TSG101: variants seen among roughly 807,000 people sequenced by gnomAD.
TSG101 encodes tumor susceptibility gene 101 protein.
A neutral mutation model predicts 48.5 loss-of-function variants in TSG101; 19 were observed. That is an observed-to-expected ratio of 0.39 (90% CI 0.27 to 0.58). The LOEUF is 0.58. Ranked by LOEUF, TSG101 falls within the 20% of genes least tolerant of loss-of-function variation. TSG101 has a pLI of 0.55. For synonymous variants in TSG101, 174 were observed against 169.4 expected, an observed-to-expected ratio of 1.03 and a Z score of -0.21; for missense variants, 365 against 484.4, an observed-to-expected ratio of 0.75 and a Z score of 2.31.
chr11:18,524,339 AAC>A (rs1300642643), intron 1 of TSG101, among the ~76,000 whole-genome samples: 3 of 152,322 alleles, frequency 2.0e-5, no homozygotes, highest in Admixed American at 2.0e-4. Flanking sequence ...TTTTATAATA[AAC>A]ACATAAAACA....
At chr11:18,506,070 C>T (rs1168908499) in intron 6 of TSG101, among the ~76,000 whole-genome samples, 1 of 152,124 alleles carries the variant, frequency 6.6e-6, no homozygotes, top group Non-Finnish European at 1.5e-5. Context: ...GGTGATCCGC[C>T]TGCATCGGCC....
chr11:18,481,280 A>G, intron 9 of TSG101: 6 of 985,148 alleles, frequency 6.1e-6, no homozygotes, highest in Non-Finnish European at 7.2e-6. Flanking sequence ...TAAAAAATGG[A>G]GGTGGCACAA....
chr11:18,507,789 G>A (rs16935488), intron 5 of TSG101: 29,982 of 151,818 alleles, frequency 0.2, 3,096 homozygotes, highest in East Asian at 0.25. Context: ...AAAACTCAAA[G>A]AAATTTAGGA....
chr11:18,481,421 C>T (rs1031557520), intron 9 of TSG101: 2 of 1,350,474 alleles, frequency 1.5e-6, no homozygotes, highest in Non-Finnish European at 1.9e-6. Flanking sequence ...CTGCAGCCAC[C>T]AGCCCACTTC....
At chr11:18,506,809 A>C in intron 6 of TSG101, 48 bp downstream of exon 6, 1 of 1,429,216 alleles carries the variant, frequency 7.0e-7, no homozygotes, top group South Asian at 1.5e-5. Context: ...TTCTAGATCT[A>C]ATAGAAGAAT....
rs906578263 is a variant in TSG101 at position 18,480,380 on chromosome 11, T to C, written c.*166A>G. 7.7e-6 allele frequency: 4 copies of C among 516,770 alleles called. No individual in the cohort carries two copies. Among genetic ancestry groups the C allele is most frequent in the Non-Finnish European group, 1.3e-5 (4 of 299,300 alleles). The allele number at this position is 516,770 out of a possible 1,614,324, so 32.0% of individuals were successfully genotyped here. A position where few individuals can be genotyped will look rare whatever the true frequency, so the allele number is the denominator to read the frequency against. ...AAGTTTACAGAGGATAGAAAGTGCA[T>C]TAATAAAAGCCAGTCTTTACCAAAA... is the stretch of plus-strand genomic sequence containing the variant. On this transcript the variant is annotated 3_prime_UTR_variant, in exon 10 of 10. Transcript: ENST00000251968.
At chr11:18,496,320 T>C (rs1248376745) in intron 7 of TSG101, among the ~76,000 whole-genome samples, 2 of 151,372 alleles carry the variant, frequency 1.3e-5, no homozygotes, top group African/African-American at 2.4e-5. Flanking sequence ...CACATGCCTA[T>C]AGTCTCAGCT....
chr11:18,481,009 T>C lies in TSG101; in HGVS notation c.1084-374A>G, dbSNP rs151338708. On this transcript the variant is annotated intron_variant, in intron 9 of 9. Transcript: ENST00000251968. ...GCCATTCCCCCACAGTGAGAGGAGA[T>C]AGGCAAGATCAGCACATGACCTGAC... is the stretch of plus-strand genomic sequence containing the variant. Among the ~76,000 whole-genome samples the C allele has an allele frequency of 2.9e-3, 444 of 152,258 alleles. 3 individuals carry two copies. The highest frequency in any genetic ancestry group is 9.9e-3 in the African/African-American group (410 of 41,558).
chr11:18,498,244 G>A (rs1849814770), intron 7 of TSG101, among the ~76,000 whole-genome samples: 2 of 152,154 alleles, frequency 1.3e-5, no homozygotes, highest in Non-Finnish European at 2.9e-5. Flanking sequence ...GGCCTTCTGG[G>A]CCCAAGAACT....
At chr11:18,488,534 G>C (rs1383392744) in intron 7 of TSG101, among the ~76,000 whole-genome samples, 1 of 152,194 alleles carries the variant, frequency 6.6e-6, no homozygotes, top group Non-Finnish European at 1.5e-5. Flanking sequence ...AATACAGGGA[G>C]AAGTCAGGGA....
chr11:18,519,487 T>C (rs746865458), intron 2 of TSG101, 32 bp downstream of exon 2: 44 of 1,495,560 alleles, frequency 2.9e-5, no homozygotes, highest in Non-Finnish European at 4.1e-5. Flanking sequence ...ACTCAAAGTA[T>C]AGAAATTGCT....
At chr11:18,502,662 T>C (rs887936039) in intron 6 of TSG101, 85 bp from the exon 7 acceptor site, 15 of 977,406 alleles carry the variant, frequency 1.5e-5, no homozygotes, top group Non-Finnish European at 2.3e-5. Flanking sequence ...GAAGTTAAGC[T>C]TGACATATGG....
At chr11:18,501,068 A>T (rs112913390) in intron 7 of TSG101, among the ~76,000 whole-genome samples, 130 of 152,300 alleles carry the variant, frequency 8.5e-4, no homozygotes, top group African/African-American at 2.7e-3. Flanking sequence ...TTGGCTTCCC[A>T]AAGTGCTGGG....
At chr11:18,524,959 G>A (rs1850342756) in intron 1 of TSG101, among the ~76,000 whole-genome samples, 1 of 146,584 alleles carries the variant, frequency 6.8e-6, no homozygotes, top group Non-Finnish European at 1.5e-5. Context: ...CACCCAGGCT[G>A]GAGTGCAGTG....
At chr11:18,499,771 T>C (rs946166914) in intron 7 of TSG101, among the ~76,000 whole-genome samples, 2 of 152,050 alleles carry the variant, frequency 1.3e-5, no homozygotes, top group Non-Finnish European at 2.9e-5. Flanking sequence ...ATGTGATATT[T>C]TGTTACCTGC....
intron 7 of TSG101, 106 bp from the exon 8 acceptor site, chr11:18,484,178 A>G: frequency 8.9e-7 from 1 of 1,117,890 alleles, no homozygotes; most frequent in South Asian, 1.4e-5. Flanking sequence ...CACTTTCAAA[A>G]TGTGAGGAAA....
intron 1 of TSG101, among the ~76,000 whole-genome samples, chr11:18,522,973 T>G (rs1275867789): frequency 3.3e-5 from 5 of 152,196 alleles, no homozygotes; most frequent in African/African-American, 1.2e-4. Flanking sequence ...CACTGCAACC[T>G]CAAACTCCTG....
In TSG101 at chr11:18,481,768, A is replaced by G. The variant is rs777821093; in HGVS notation, c.945T>C (p.Asp315=). The change falls in exon 9 of 10, where the codon GAT becomes GAC. Residue 315 remains aspartate, a synonymous_variant. Transcript: ENST00000251968. ...MENQSENNDI[D]EVIIPTAPLY... is the part of the protein sequence containing the mutation. The stretch of plus-strand genomic sequence containing the variant: ...AGGGAGCTGTGGGAATGATAACTTC[A>G]TCGATATCATTGTTTTCAGACTGAT... 6.2e-6 allele frequency: 10 copies of G among 1,614,010 alleles called. No homozygotes were observed. The highest frequency in any genetic ancestry group is 2.2e-5 in the East Asian group (1 of 44,880).
At chr11:18,490,798 A>G in intron 7 of TSG101, 1 of 532,392 alleles carries the variant, frequency 1.9e-6, no homozygotes, top group Non-Finnish European at 3.8e-6. Context: ...AGCAGCGGGC[A>G]CCAACCATGT....
Sources: allele counts gnomAD v4.1 joint callset (sites outside exome capture counted in the v4.1 genomes callset), GRCh38; gene constraint gnomAD v4.1.1; transcripts MANE v1.5; gene names NCBI Gene and HGNC (gene_info 2026-07-23, HGNC 2026-07-21).